The following CSMD1 variants were observed in gnomAD, a reference collection of about 807,000 sequenced individuals.
CSMD1 encodes the protein CUB and Sushi multiple domains 1, also known as CUB and sushi domain-containing protein 1.
A neutral mutation model predicts 417.5 loss-of-function variants in CSMD1; 213 were observed. That is an observed-to-expected ratio of 0.51 (90% confidence interval 0.46 to 0.57). CSMD1 has a LOEUF of 0.57. CSMD1 is among the 20% of genes least tolerant of loss of function. The pLI is 0.00. For synonymous variants in CSMD1, 2,862 were observed against 1,736.8 expected (o/e 1.65, Z -16.11); for missense variants, 6,923 against 4,529.7 (o/e 1.53, Z -15.17).
intron 54 of CSMD1, among the ~76,000 whole-genome samples, chr8:2,980,879 T>G (rs529430016): frequency 6.6e-6 from 1 of 152,308 alleles, no homozygotes; most frequent in South Asian, 2.1e-4. Flanking sequence ...TTCACTACCC[T>G]TAAAATATTT....
intron 5 of CSMD1, among the ~76,000 whole-genome samples, chr8:3,766,274 T>C (rs1291627444): frequency 6.6e-6 from 1 of 152,140 alleles, no homozygotes; most frequent in African/African-American, 2.4e-5. Context: ...CTCACAGGCC[T>C]TTCAATGTGG....
chr8:4,441,106 T>TTG (rs1585079403), intron 2 of CSMD1, among the ~76,000 whole-genome samples: 1 of 123,576 alleles, frequency 8.1e-6, no homozygotes, highest in African/African-American at 2.9e-5. Context: ...TTTTTTTTTT[T>TTG]TTTTTTTTTT....
At chr8:4,457,948 G>T (rs1253323446) in intron 2 of CSMD1, among the ~76,000 whole-genome samples, 3 of 152,084 alleles carry the variant, frequency 2.0e-5, no homozygotes, top group African/African-American at 7.2e-5. Context: ...GTCAACCCAG[G>T]CAGAAAAACC....
intron 37 of CSMD1, among the ~76,000 whole-genome samples, chr8:3,176,318 T>G (rs1820933299): frequency 6.6e-6 from 1 of 152,010 alleles, no homozygotes; most frequent in Non-Finnish European, 1.5e-5. Flanking sequence ...AATTTAATTC[T>G]GTAATTTATC....
intron 41 of CSMD1, among the ~76,000 whole-genome samples, chr8:3,127,202 G>C (rs1477541820): frequency 6.6e-6 from 1 of 152,084 alleles, no homozygotes; most frequent in African/African-American, 2.4e-5. Context: ...ACAACTCTTT[G>C]GGGTCACTGT....
At chr8:4,920,240 C>CTTATTCTAGAAAGTA (rs1313618899) in intron 1 of CSMD1, among the ~76,000 whole-genome samples, 1 of 152,060 alleles carries the variant, frequency 6.6e-6, no homozygotes, top group Non-Finnish European at 1.5e-5. Context: ...TCTACTCAGA[C>CTTATTCTAGAAAGTA]TTATTCTAGA....
At chr8:4,392,155 G>A (rs1017726721) in intron 3 of CSMD1, among the ~76,000 whole-genome samples, 2 of 152,146 alleles carry the variant, frequency 1.3e-5, no homozygotes, top group Non-Finnish European at 2.9e-5. Context: ...CACTGAAACT[G>A]TCATGGGCAT....
At chr8:3,757,527 G>A (rs928463487) in intron 5 of CSMD1, among the ~76,000 whole-genome samples, 1 of 152,186 alleles carries the variant, frequency 6.6e-6, no homozygotes, top group South Asian at 2.1e-4. Context: ...TTGGCCTGCA[G>A]GTACTAGTTT....
In CSMD1 at chr8:4,678,050, C is replaced by G. The variant is rs1157017607; in HGVS notation, c.86-40492G>C. 2.0e-5 allele frequency among the ~76,000 whole-genome samples: 3 copies of G among 152,062 alleles called. 1 individual carries two copies. Among genetic ancestry groups the G allele is most frequent in the African/African-American group, 7.2e-5 (3 of 41,408 alleles). On this transcript the variant is annotated intron_variant, in intron 1 of 69. Transcript: ENST00000635120. ...AATGGGAACTATTTTAGTAACAGCA[C>G]ACATGGACACACACCCACATATGAA... is the stretch of plus-strand genomic sequence containing the variant.
intron 2 of CSMD1, among the ~76,000 whole-genome samples, chr8:4,558,741 G>A (rs1379995840): frequency 6.6e-6 from 1 of 152,030 alleles, no homozygotes; most frequent in Non-Finnish European, 1.5e-5. Flanking sequence ...TGGTGGTGGC[G>A]CCTGTAATCC....
At position 4,106,219 on chromosome 8, in the gene CSMD1, G is replaced by A. The variant is rs577604823; in HGVS notation, c.416-74120C>T. 3.9e-5 allele frequency among the ~76,000 whole-genome samples: 6 copies of A among 152,266 alleles called. No homozygotes were observed. The East Asian group carries it at 1.2e-3, about 29-fold the overall frequency. On this transcript the variant is annotated intron_variant, in intron 3 of 69. Coordinates refer to ENST00000635120, the MANE Select transcript of CSMD1 (RefSeq NM_033225.6). ...ATCTATGAGAGGAATCCAGCATTGG[G>A]TCAGGGAGTGATCTATAAACTTCCG...
chr8:3,960,268 G>C (rs1296386373), intron 5 of CSMD1, among the ~76,000 whole-genome samples: 3 of 152,110 alleles, frequency 2.0e-5, no homozygotes, highest in African/African-American at 4.8e-5. Context: ...CAAATCCTAA[G>C]TGCCATCTAA....
At position 3,270,365 on chromosome 8, in the gene CSMD1, T is replaced by C. The variant is rs116623413; in HGVS notation, c.4153+13779A>G. On this transcript the variant is annotated intron_variant, in intron 26 of 69. Transcript: ENST00000635120. ...GCCACTGCACCTGGCCTTTCCATCCTCTTACTAGACAGTTGTTGCTGCCTC... is the reference window on the plus strand; with the variant it reads ...GCCACTGCACCTGGCCTTTCCATCCCCTTACTAGACAGTTGTTGCTGCCTC... 2.5e-3 allele frequency among the ~76,000 whole-genome samples: 387 copies of C among 152,272 alleles called. 1 individual carries two copies. The highest frequency in any genetic ancestry group is 9.2e-3 in the African/African-American group (382 of 41,554).
intron 5 of CSMD1, among the ~76,000 whole-genome samples, chr8:3,820,426 C>G (rs1333325010): frequency 6.6e-6 from 1 of 152,208 alleles, no homozygotes; most frequent in South Asian, 2.1e-4. Flanking sequence ...TAGGCCTACA[C>G]AGGGTCAGGA....
In CSMD1 at chr8:4,028,683, C is replaced by A. The variant is rs530672372; in HGVS notation, c.610+3222G>T. ...GTCATAACATTTACTATCTCTGGAA[C>A]CTTTTGCAAATTAAAACTCTATTTC... On this transcript the variant is annotated intron_variant, in intron 4 of 69. Transcript: ENST00000635120. Among the ~76,000 whole-genome samples, 32 of 152,196 alleles carry A rather than the reference C, an allele frequency of 2.1e-4. 1 individual carries two copies. The East Asian group carries it at 5.6e-3, about 27-fold the overall frequency.
At position 3,733,665 on chromosome 8, in the gene CSMD1, G is replaced by A. The variant is rs901884610; in HGVS notation, c.931+20265C>T. Among the ~76,000 whole-genome samples the A allele has an allele frequency of 3.3e-5, 5 of 152,164 alleles. No homozygotes were observed. In the East Asian group the frequency reaches 5.8e-4, roughly 18 times the overall value. On this transcript the variant is annotated intron_variant, in intron 6 of 69. Transcript: ENST00000635120. ...CCAGAAGGTCCCTGCTGTTTGCACCGCCTGCCTGGAGTTGGGAGTCACTCA... is the reference window on the plus strand; with the variant it reads ...CCAGAAGGTCCCTGCTGTTTGCACCACCTGCCTGGAGTTGGGAGTCACTCA...
At chr8:3,003,548 C>T (rs115093049) in intron 52 of CSMD1, among the ~76,000 whole-genome samples, 123 of 152,288 alleles carry the variant, frequency 8.1e-4, no homozygotes, top group African/African-American at 2.9e-3. Context: ...TCCTATGTCA[C>T]CTTCATGTAT....
At chr8:4,743,951 G>C (rs1256055341) in intron 1 of CSMD1, among the ~76,000 whole-genome samples, 1 of 152,170 alleles carries the variant, frequency 6.6e-6, no homozygotes, top group Non-Finnish European at 1.5e-5. Flanking sequence ...TCTCTTCCCA[G>C]AGTGATTCCA....
At chr8:4,230,667 ATAT>A in intron 3 of CSMD1, among the ~76,000 whole-genome samples, 1 of 152,248 alleles carries the variant, frequency 6.6e-6, no homozygotes, top group South Asian at 2.1e-4. Context: ...TTCTCCATAA[ATAT>A]TATAAATTTT....
Sources: gnomAD v4.1 joint callset for allele counts (sites outside exome capture counted in the v4.1 genomes callset) on GRCh38, gnomAD v4.1.1 for gene constraint, MANE v1.5 for transcripts, NCBI Gene and HGNC (gene_info 2026-07-23, HGNC 2026-07-21) for gene names.